CYP2D6: variants seen among roughly 807,000 people sequenced by gnomAD.
CYP2D6 encodes the protein cytochrome P450 family 2 subfamily D member 6 (gene/pseudogene).
CYP2D6 carries 51 observed loss-of-function variants against 43.5 expected under a neutral mutation model. The ratio of observed to expected loss-of-function variants is 1.17; its 90% confidence interval spans 0.94 to 1.48. The LOEUF (loss-of-function observed/expected upper bound fraction) is 1.48. Ranked by LOEUF, CYP2D6 falls within the 40% of genes most tolerant of loss-of-function variation. The pLI is 0.00. For missense variants in CYP2D6, 698 were observed against 688.0 expected, an observed-to-expected ratio of 1.01 and a Z score of -0.16; for synonymous variants, 346 against 297.1, an observed-to-expected ratio of 1.16 and a Z score of -1.69.
At position 42,128,327 on chromosome 22, in the gene CYP2D6, G is replaced by T. The variant is rs1462273327; in HGVS notation, c.690C>A (p.Leu230=). Residue 230 remains leucine, a synonymous_variant, in exon 5 of 9, where the codon CTC becomes CTA. Transcript: ENST00000645361. ...LREVLNAVPV[L]LHIPALAGKV... is the part of the protein sequence containing the mutation. Reference sequence around the variant, plus strand: ...TGCCAGCCAGCGCTGGGATATGCAGGAGGACGGGGACAGCATTCAGCACCT... The same window carrying T: ...TGCCAGCCAGCGCTGGGATATGCAGTAGGACGGGGACAGCATTCAGCACCT... 21 of 1,610,368 alleles carry T rather than the reference G, an allele frequency of 1.3e-5. 3 individuals carry two copies. Among genetic ancestry groups the T allele is most frequent in the Non-Finnish European group, 1.8e-5 (21 of 1,177,938 alleles).
At position 42,128,196 on chromosome 22, in the gene CYP2D6, G is replaced by A. The variant is rs754429969; in HGVS notation, c.821C>T (p.Ala274Val). Residue 274 changes from alanine (A) to valine (V), a missense_variant, in exon 5 of 9, where the codon GCC becomes GTC. Physicochemically the swap from Ala to Val is moderately conservative, Grantham distance 64 (BLOSUM62 0). Coordinates refer to ENST00000645361, the MANE Select transcript of CYP2D6 (RefSeq NM_000106.6). Reference sequence around the variant, plus strand: ...CACCTTCTCCATCTCTGCCAGGAAGGCCTCAGTCAGGTCTCGGGGGGGCTG... The same window carrying A: ...CACCTTCTCCATCTCTGCCAGGAAGACCTCAGTCAGGTCTCGGGGGGGCTG... ...PAQPPRDLTE[A>V]FLAEMEKAKG... 1.9e-6 allele frequency: 3 copies of A among 1,608,510 alleles called. No individual in the cohort carries two copies. The South Asian group carries it at 3.3e-5, about 18-fold the overall frequency.
rs201006451 is a variant in CYP2D6 at position 42,129,044 on chromosome 22, G to C, written c.494C>G (p.Ala165Gly). The change falls in exon 3 of 9, where the codon GCC becomes GGC. Residue 165 changes from alanine (A) to glycine (G), a missense_variant. Around this residue, in one of 5 missense-constraint regions of CYP2D6, gnomAD observed 588 missense variants for 521.1 expected, o/e 1.13. Coordinates refer to ENST00000645361, the MANE Select transcript of CYP2D6 (RefSeq NM_000106.6). The stretch of plus-strand genomic sequence containing the variant: ...TGCCCATCACCCACCGGAGTGGTTG[G>C]CGAAGGCGGCACAAAGGCAGGCGGC... ...EEAACLCAAF[A>G]NHSGRPFRPN... The C allele has an allele frequency of 1.0e-5, 16 of 1,607,176 alleles. No homozygotes were observed. Among genetic ancestry groups the C allele is most frequent in the Admixed American group, 1.7e-5 (1 of 59,510 alleles).
rs1135828 is a variant in CYP2D6 at position 42,128,181 on chromosome 22, A to G, written c.836T>C (p.Met279Thr). 1.9e-6 allele frequency: 3 copies of G among 1,602,466 alleles called. No homozygotes were observed. Among genetic ancestry groups the G allele is most frequent in the African/African-American group, 1.4e-5 (1 of 72,518 alleles). The change falls in exon 5 of 9, where the codon ATG (methionine) becomes ACG (threonine). Residue 279 changes from methionine to threonine, a missense_variant. Met to Thr is a moderately conservative substitution (Grantham distance 81, BLOSUM62 -1). Coordinates refer to ENST00000645361, the MANE Select transcript of CYP2D6 (RefSeq NM_000106.6). ...CGTGGCAGCCACTCTCACCTTCTCC[A>G]TCTCTGCCAGGAAGGCCTCAGTCAG... Reference protein sequence around the residue: ...RDLTEAFLAEMEKAKGNPESS... With the variant: ...RDLTEAFLAETEKAKGNPESS...
chr22:42,129,643 G>C lies in CYP2D6; in HGVS notation c.352+95C>G, dbSNP rs186133763. The C allele has an allele frequency of 1.3e-3, 2,030 of 1,527,576 alleles. 97 individuals are homozygous for C. In the African/African-American group the frequency reaches 0.021, roughly 16 times the overall value. The allele number at this position is 1,527,576 out of a possible 1,614,324, so 94.6% of individuals were successfully genotyped here. On this transcript the variant is annotated intron_variant, in intron 2 of 8. Coordinates refer to ENST00000645361, the MANE Select transcript of CYP2D6 (RefSeq NM_000106.6). ...GTCCCCACTCGCTGGCCTGTTTCAT[G>C]TCCACGACCCCGCGCCCTCTCTGCC...
In CYP2D6 at chr22:42,126,758, G is replaced by A. The variant is rs377590656; in HGVS notation, c.1316-6C>T. ...CCCGAGGCATGCACGGCGGCCTGTG[G>A]GGAGGGGAGGGGCGTCAGTGAGCCT... On this transcript the variant is annotated splice_polypyrimidine_tract_variant and splice_region_variant and intron_variant, in intron 8 of 8. Transcript: ENST00000645361. 685 of 1,547,426 alleles carry A rather than the reference G, an allele frequency of 4.4e-4. 20 individuals carry two copies. In the African/African-American group the frequency reaches 8.3e-3, roughly 19 times the overall value.
chr22:42,127,724 G>T, intron 6 of CYP2D6, 90 bp from the exon 7 acceptor site: 1 of 1,574,342 alleles, frequency 6.4e-7, no homozygotes, highest in South Asian at 1.1e-5. Flanking sequence ...AGGAGGTCAG[G>T]CTTACAGGAT....
At position 42,129,871 on chromosome 22, in the gene CYP2D6, C is replaced by G; in HGVS notation, c.219G>C (p.Leu73=). Reference sequence around the variant, plus strand: ...TGAGCACGACCACCGGCGTCCAGGCCAGCTGCAGGCTGAACACGTCCCCGA... The same window carrying G: ...TGAGCACGACCACCGGCGTCCAGGCGAGCTGCAGGCTGAACACGTCCCCGA... ...RRFGDVFSLQ[L]AWTPVVVLNG... The change falls in exon 2 of 9, where the codon CTG becomes CTC. Residue 73 remains leucine (L), a synonymous_variant. Coordinates refer to ENST00000645361, the MANE Select transcript of CYP2D6 (RefSeq NM_000106.6). 1 of 1,594,822 alleles carries G rather than the reference C, an allele frequency of 6.3e-7. No homozygotes were observed. The highest frequency in any genetic ancestry group is 8.5e-7 in the Non-Finnish European group (1 of 1,171,606).
Position 42,129,966 on chromosome 22 carries a change from C to G in CYP2D6, c.181-57G>C, listed in dbSNP as rs1200172911. ...GCCAGGATCACCCCAGACTACAGGTCCTAGTCCTATTTGAACCTTGGACGA... is the reference window on the plus strand; with the variant it reads ...GCCAGGATCACCCCAGACTACAGGTGCTAGTCCTATTTGAACCTTGGACGA... On this transcript the variant is annotated intron_variant, in intron 1 of 8. Transcript: ENST00000645361. The G allele has an allele frequency of 5.4e-5, 80 of 1,467,996 alleles. 3 individuals carry two copies. The African/African-American group carries it at 1.1e-3, about 21-fold the overall frequency. The allele number at this position is 1,467,996 out of a possible 1,614,324, so 90.9% of individuals were successfully genotyped here.
At chr22:42,128,732 G>A (rs1931421448) in intron 4 of CYP2D6, 52 bp downstream of exon 4, 11 of 1,574,534 alleles carry the variant, frequency 7.0e-6, no homozygotes, top group Non-Finnish European at 8.6e-6. Flanking sequence ...TCCAGCCCCG[G>A]CACCTCTCGG....
Position 42,129,386 on chromosome 22 carries a change from C to G in CYP2D6, c.353-201G>C, listed in dbSNP as rs1931633600. 5 of 853,816 alleles carry G rather than the reference C, an allele frequency of 5.9e-6. 1 individual carries two copies. Among genetic ancestry groups the G allele is most frequent in the African/African-American group, 1.7e-5 (1 of 60,034 alleles). The allele number at this position is 853,816 out of a possible 1,614,324, so 52.9% of individuals were successfully genotyped here. A position where few individuals can be genotyped will look rare whatever the true frequency, so the allele number is the denominator to read the frequency against. ...CCCACCTCGTCTCTGCCCACCCTGA[C>G]CGCCTTTGCACTCAGGGAAGACCCC... On this transcript the variant is annotated intron_variant, in intron 2 of 8. Coordinates refer to ENST00000645361, the MANE Select transcript of CYP2D6 (RefSeq NM_000106.6).
At position 42,129,444 on chromosome 22, in the gene CYP2D6, G is replaced by A. The variant is rs947938774; in HGVS notation, c.353-259C>T. ...CCGCGCCACCCACACTGAGCTTACA[G>A]CACAGGTGCGGTCCCCGCCCCCCAC... On this transcript the variant is annotated intron_variant, in intron 2 of 8. Transcript: ENST00000645361. 6.0e-5 allele frequency: 45 copies of A among 743,826 alleles called. 1 individual carries two copies. In the Admixed American group the frequency reaches 8.8e-4, roughly 15 times the overall value. The allele number at this position is 743,826 out of a possible 1,614,324, so 46.1% of individuals were successfully genotyped here. A position where few individuals can be genotyped will look rare whatever the true frequency, so the allele number is the denominator to read the frequency against.
chr22:42,130,121 G>C, intron 1 of CYP2D6: 1 of 566,818 alleles, frequency 1.8e-6, no homozygotes, highest in Non-Finnish European at 3.0e-6. Flanking sequence ...GTATGACCTT[G>C]CAAGAGTCAC....
At chr22:42,127,408 G>A in intron 7 of CYP2D6, 39 bp downstream of exon 7, 1 of 1,443,236 alleles carries the variant, frequency 6.9e-7, no homozygotes, top group South Asian at 1.2e-5. Flanking sequence ...ATCACCAGGT[G>A]CTGGTGCTGA....
rs1395026663 is a variant in CYP2D6 at position 42,128,101 on chromosome 22, C to G, written c.843+73G>C. ...GGTGATGCACTGGTCCAACCTTTTG[C>G]CCAGCCTCCCCTCATTCCTCCTGGG... On this transcript the variant is annotated intron_variant, in intron 5 of 8. Coordinates refer to ENST00000645361, the MANE Select transcript of CYP2D6 (RefSeq NM_000106.6). 1.3e-5 allele frequency: 21 copies of G among 1,579,902 alleles called. 1 individual carries two copies. The Admixed American group carries it at 3.2e-4, about 24-fold the overall frequency.
In CYP2D6 at chr22:42,128,924, C is replaced by G. The variant is rs375536796; in HGVS notation, c.526G>C (p.Gly176Arg). The change falls in exon 4 of 9, where the codon GGT (glycine) becomes CGT (arginine). Residue 176 changes from glycine to arginine, a missense_variant. Physicochemically the swap from Gly to Arg is moderately radical, Grantham distance 125. Coordinates refer to ENST00000645361, the MANE Select transcript of CYP2D6 (RefSeq NM_000106.6). The part of the protein sequence containing the change: ...NHSGRPFRPN[G>R]LLDKAVSNVI... The stretch of plus-strand genomic sequence containing the variant: ...TTGCTCACGGCTTTGTCCAAGAGAC[C>G]GTTGGGGCGAAAGGGGCGTCCTGGG... 3.1e-6 allele frequency: 5 copies of G among 1,591,630 alleles called. No homozygotes were observed. The South Asian group carries it at 4.5e-5, about 14-fold the overall frequency.
chr22:42,128,645 C>G, intron 4 of CYP2D6, 139 bp downstream of exon 4: 1 of 1,029,742 alleles, frequency 9.7e-7, no homozygotes, highest in Non-Finnish European at 1.5e-6. Flanking sequence ...CTCCTCCAGG[C>G]CCTTCTTACA....
At chr22:42,128,495 T>C in intron 4 of CYP2D6, 145 bp from the exon 5 acceptor site, 5 of 1,018,332 alleles carry the variant, frequency 4.9e-6, no homozygotes, top group Non-Finnish European at 3.0e-6. Context: ...AGTGCCAGCC[T>C]CCACCCTCTC....
At chr22:42,129,334 G>A (rs989407606) in intron 2 of CYP2D6, 149 bp from the exon 3 acceptor site, 17 of 1,108,796 alleles carry the variant, frequency 1.5e-5, no homozygotes, top group Non-Finnish European at 2.1e-5. Flanking sequence ...CATCCACCTT[G>A]CTCCCTTGGC....
At chr22:42,128,666 C>T (rs1931403039) in intron 4 of CYP2D6, 118 bp downstream of exon 4, 2 of 1,248,436 alleles carry the variant, frequency 1.6e-6, no homozygotes, top group African/African-American at 1.5e-5. Flanking sequence ...GTGGGGTCTC[C>T]TGGAATGTCC....
Sources: gnomAD v4.1 joint callset for allele counts on GRCh38, gnomAD v4.1.1 for gene constraint, gnomAD v4.1.1 regional missense constraint, MANE v1.5 for transcripts, NCBI Gene and HGNC (gene_info 2026-07-23, HGNC 2026-07-21) for gene names.